AGPS: variants seen among roughly 807,000 people sequenced by gnomAD.
The protein encoded by AGPS is alkylglycerone phosphate synthase.
In AGPS, 26 loss-of-function variants were observed where a neutral mutation model predicts 90.7. That is an observed-to-expected ratio of 0.29 (90% CI 0.21 to 0.40). The LOEUF (loss-of-function observed/expected upper bound fraction) is 0.40, where lower values mean the gene tolerates loss of function less well. AGPS is among the 10% of genes least tolerant of loss of function. AGPS has a pLI of 1.00. For missense variants in AGPS, 540 were observed against 816.1 expected (o/e 0.66, Z 4.12); for synonymous variants, 294 against 285.3 (o/e 1.03, Z -0.31).
Position 177,482,093 on chromosome 2 carries a change from A to C in AGPS, c.1140A>C (p.Lys380Asn), listed in dbSNP as rs779325423. The part of the protein sequence containing the change: ...TLGVITEATI[K>N]IRPVPEYQKY... ...GTGTAATAACAGAAGCTACAATAAA[A>C]ATCAGACCAGTCCCTGAATACCAAA... The change falls in exon 11 of 20, where the codon AAA becomes AAC. Residue 380 changes from lysine (K) to asparagine (N), a missense_variant. Coordinates refer to ENST00000264167, the MANE Select transcript of AGPS (RefSeq NM_003659.4). The C allele has an allele frequency of 6.2e-7, 1 of 1,605,570 alleles. No homozygotes were observed. Among genetic ancestry groups the C allele is most frequent in the Non-Finnish European group, 8.5e-7 (1 of 1,174,378 alleles).
At chr2:177,402,772 A>G (rs1289348279) in intron 1 of AGPS, among the ~76,000 whole-genome samples, 2 of 152,200 alleles carry the variant, frequency 1.3e-5, no homozygotes, top group African/African-American at 4.8e-5. Context: ...AACTTCGTCT[A>G]CTGGCTGGCC....
intron 3 of AGPS, among the ~76,000 whole-genome samples, chr2:177,435,023 A>ATATATATATG (rs912295185): frequency 1.5e-4 from 22 of 147,012 alleles, no homozygotes; most frequent in African/African-American, 5.4e-4. Flanking sequence ...ATATATATAT[A>ATATATATATG]TGTATGAAAC....
At chr2:177,518,396 A>G (rs1443244278) in intron 17 of AGPS, among the ~76,000 whole-genome samples, 1 of 152,106 alleles carries the variant, frequency 6.6e-6, no homozygotes, top group Non-Finnish European at 1.5e-5. Context: ...AGATAGTGCC[A>G]CTACACTCCA....
At chr2:177,474,350 C>T (rs1349711377) in intron 10 of AGPS, among the ~76,000 whole-genome samples, 13 of 152,194 alleles carry the variant, frequency 8.5e-5, no homozygotes, top group South Asian at 4.2e-4. Context: ...GTGAGGAGGG[C>T]GGAAGTTATT....
intron 11 of AGPS, among the ~76,000 whole-genome samples, chr2:177,491,265 G>GACA (rs1688249922): frequency 1.5e-5 from 1 of 68,632 alleles, no homozygotes; most frequent in Admixed American, 2.0e-4. Context: ...AAGAAAATCA[G>GACA]TAGGAATTTT....
intron 16 of AGPS, among the ~76,000 whole-genome samples, chr2:177,512,139 C>T (rs991870745): frequency 5.3e-5 from 8 of 151,646 alleles, no homozygotes; most frequent in African/African-American, 1.5e-4. Context: ...TTGTAATATA[C>T]GTTAACTCTT....
chr2:177,477,089 G>A (rs1687802483), intron 10 of AGPS, among the ~76,000 whole-genome samples: 3 of 151,822 alleles, frequency 2.0e-5, no homozygotes, highest in South Asian at 2.1e-4. Context: ...TAAAAAAATC[G>A]TCTCACTATC....
chr2:177,510,353 C>T (rs1688834182), intron 16 of AGPS, among the ~76,000 whole-genome samples: 1 of 152,138 alleles, frequency 6.6e-6, no homozygotes, highest in African/African-American at 2.4e-5. Flanking sequence ...ATTAATGCAG[C>T]TCCACCCACA....
chr2:177,488,928 A>G lies in AGPS; in HGVS notation c.1234-4220A>G, dbSNP rs76460664. ...CAGAAACCCCTCAGACATGTGAAAT[A>G]TATGTTAATGTTGAATTTATTTTGC... On this transcript the variant is annotated intron_variant, in intron 11 of 19. Coordinates refer to ENST00000264167, the MANE Select transcript of AGPS (RefSeq NM_003659.4). Among the ~76,000 whole-genome samples the G allele has an allele frequency of 1.9e-3, 284 of 152,244 alleles. 2 individuals are homozygous for G. Among genetic ancestry groups the G allele is most frequent in the African/African-American group, 6.5e-3 (272 of 41,532 alleles).
intron 2 of AGPS, among the ~76,000 whole-genome samples, chr2:177,427,381 G>C (rs749817226): frequency 2.6e-5 from 4 of 151,952 alleles, no homozygotes; most frequent in Non-Finnish European, 5.9e-5. Context: ...GTTATTTCTT[G>C]TGTTCTGCTA....
At chr2:177,526,227 C>CTTTTTTT (rs749224337) in intron 19 of AGPS, among the ~76,000 whole-genome samples, 4 of 124,320 alleles carry the variant, frequency 3.2e-5, no homozygotes, top group African/African-American at 9.1e-5. Flanking sequence ...AGCTTCTTGT[C>CTTTTTTT]TTTTTTTTTT....
intron 2 of AGPS, among the ~76,000 whole-genome samples, chr2:177,431,102 C>T (rs771753708): frequency 8.5e-5 from 13 of 152,076 alleles, no homozygotes; most frequent in Non-Finnish European, 1.5e-4. Context: ...CCCTAAGTGT[C>T]GGCTGGTCTG....
At chr2:177,508,295 A>C (rs1045059438) in intron 16 of AGPS, among the ~76,000 whole-genome samples, 1 of 152,208 alleles carries the variant, frequency 6.6e-6, no homozygotes, top group Non-Finnish European at 1.5e-5. Context: ...AATGTTATTG[A>C]ATGCTCAGTG....
Position 177,420,258 on chromosome 2 carries a change from C to A in AGPS, c.261-11C>A. On this transcript the variant is annotated splice_polypyrimidine_tract_variant and intron_variant, in intron 1 of 19. Transcript: ENST00000264167. ...CATTGGTCTCACTTATATATATTTT[C>A]TTCTCACTAGGCAAGAAGTTATGAA... 1 of 1,558,236 alleles carries A rather than the reference C, an allele frequency of 6.4e-7. No homozygotes were observed. The highest frequency in any genetic ancestry group is 1.1e-5 in the South Asian group (1 of 89,876).
intron 5 of AGPS, 72 bp downstream of exon 5, chr2:177,437,126 G>A (rs188926893): frequency 1.1e-4 from 154 of 1,400,194 alleles, no homozygotes; most frequent in African/African-American, 1.1e-3. Context: ...TTGGAAATAC[G>A]TACTTTTTGG....
At chr2:177,511,079 G>T (rs1688856078) in intron 16 of AGPS, among the ~76,000 whole-genome samples, 1 of 152,082 alleles carries the variant, frequency 6.6e-6, no homozygotes, top group Non-Finnish European at 1.5e-5. Context: ...TATTTTAAGG[G>T]TTGGAGATAT....
At chr2:177,536,046 G>C (rs1376578150) in intron 19 of AGPS, among the ~76,000 whole-genome samples, 1 of 152,110 alleles carries the variant, frequency 6.6e-6, no homozygotes, top group Non-Finnish European at 1.5e-5. Context: ...AGCACCTTCT[G>C]TTTTCCAGCG....
intron 1 of AGPS, among the ~76,000 whole-genome samples, chr2:177,395,962 T>C (rs186495576): frequency 9.3e-4 from 141 of 152,192 alleles, no homozygotes; most frequent in African/African-American, 3.3e-3. Context: ...GAATAAGTAG[T>C]CTTCAGCCTC....
chr2:177,484,742 GA>G (rs959340146), intron 11 of AGPS, among the ~76,000 whole-genome samples: 25 of 151,662 alleles, frequency 1.6e-4, no homozygotes, highest in African/African-American at 4.6e-4. Flanking sequence ...CTAATTTTAT[GA>G]AAAAAAATAT....
Sources: gnomAD v4.1 joint callset for allele counts (sites outside exome capture counted in the v4.1 genomes callset) on GRCh38, gnomAD v4.1.1 for gene constraint, MANE v1.5 for transcripts, NCBI Gene and HGNC (gene_info 2026-07-23, HGNC 2026-07-21) for gene names.